The following TMEM114 variants were observed in gnomAD, a reference collection of about 807,000 sequenced individuals.
The protein encoded by TMEM114 is claudin-26.
In TMEM114, 6 loss-of-function variants were observed where a neutral mutation model predicts 6.2. The ratio of observed to expected loss-of-function variants is 0.97; its 90% CI spans 0.53 to 1.91. The LOEUF is 1.91. TMEM114 is among the 40% of genes most tolerant of loss of function. The pLI, the probability that TMEM114 is intolerant of heterozygous loss-of-function variation, is 0.01. For missense variants in TMEM114, 218 were observed against 158.3 expected, an observed-to-expected ratio of 1.38 and a Z score of -2.02; for synonymous variants, 104 against 73.0, an observed-to-expected ratio of 1.42 and a Z score of -2.16.
At chr16:8,585,717 T>C (rs1368874755) in intron 2 of TMEM114, among the ~76,000 whole-genome samples, 1 of 151,966 alleles carries the variant, frequency 6.6e-6, no homozygotes, top group Non-Finnish European at 1.5e-5. Flanking sequence ...GAGGATATAA[T>C]GGGAATAATA....
chr16:8,586,322 C>T (rs567336696), intron 2 of TMEM114, among the ~76,000 whole-genome samples: 1 of 152,006 alleles, frequency 6.6e-6, no homozygotes, highest in African/African-American at 2.4e-5. Context: ...CATTTTTATT[C>T]CCTCTCATGG....
chr16:8,588,458 A>G (rs938231969), intron 2 of TMEM114, among the ~76,000 whole-genome samples: 7 of 152,216 alleles, frequency 4.6e-5, no homozygotes, highest in African/African-American at 1.7e-4. Context: ...AAATGAAGAC[A>G]TAGATGAAAA....
At chr16:8,553,977 C>A (rs1248112183) in intron 2 of TMEM114, among the ~76,000 whole-genome samples, 1 of 151,806 alleles carries the variant, frequency 6.6e-6, no homozygotes, top group Non-Finnish European at 1.5e-5. Context: ...CTCCCAGGTT[C>A]AAGCGATTCT....
downstream of TMEM114, among the ~76,000 whole-genome samples, chr16:8,567,715 T>C (rs1015918339): frequency 6.6e-6 from 1 of 152,142 alleles, no homozygotes; most frequent in African/African-American, 2.4e-5. Flanking sequence ...GGCCCTGCAG[T>C]ATTTAATCCA....
intron 3 of TMEM114, among the ~76,000 whole-genome samples, chr16:8,570,453 TCCTGAGTAGC>T (rs1901697853): frequency 6.6e-6 from 1 of 152,130 alleles, no homozygotes; most frequent in Non-Finnish European, 1.5e-5. Flanking sequence ...TGCCTCAGCC[TCCTGAGTAGC>T]TGGGAATACA....
At chr16:8,557,668 C>T (rs560227090) in intron 2 of TMEM114, among the ~76,000 whole-genome samples, 42 of 152,310 alleles carry the variant, frequency 2.8e-4, no homozygotes, top group Admixed American at 5.9e-4. Flanking sequence ...CCAGAACCAA[C>T]TTACCCAGGG....
chr16:8,584,426 T>G (rs1441452745), intron 2 of TMEM114, among the ~76,000 whole-genome samples: 1 of 152,162 alleles, frequency 6.6e-6, no homozygotes, highest in Non-Finnish European at 1.5e-5. Context: ...TCCCCAGAGC[T>G]AACCTGGAAG....
intron 2 of TMEM114, among the ~76,000 whole-genome samples, chr16:8,552,645 G>C (rs754548621): frequency 3.3e-5 from 5 of 151,596 alleles, no homozygotes; most frequent in Non-Finnish European, 1.5e-5. Flanking sequence ...AAGGGTTCAA[G>C]GTACTCTATG....
intron 3 of TMEM114, among the ~76,000 whole-genome samples, chr16:8,570,382 C>G (rs1462971612): frequency 1.3e-5 from 2 of 151,994 alleles, no homozygotes; most frequent in Non-Finnish European, 2.9e-5. Flanking sequence ...GCGGTGCGAT[C>G]TCAGCTTGCT....
chr16:8,556,747 C>A (rs1009930557), intron 2 of TMEM114, among the ~76,000 whole-genome samples: 3 of 152,190 alleles, frequency 2.0e-5, no homozygotes, highest in Non-Finnish European at 4.4e-5. Flanking sequence ...AGGGGATCCA[C>A]CCGCCTCAGC....
chr16:8,546,105 C>A (rs28672257), intron 2 of TMEM114, among the ~76,000 whole-genome samples: 12,700 of 152,084 alleles, frequency 0.084, 687 homozygotes, highest in South Asian at 0.21. Flanking sequence ...CAGAGCAAGA[C>A]CGTGTCTCAA....
chr16:8,551,460 A>G (rs1900841583), intron 2 of TMEM114, among the ~76,000 whole-genome samples: 1 of 152,218 alleles, frequency 6.6e-6, no homozygotes, highest in Non-Finnish European at 1.5e-5. Context: ...AACAAAGATG[A>G]AAATGTCAAG....
intron 2 of TMEM114, among the ~76,000 whole-genome samples, chr16:8,577,786 C>T (rs1901992574): frequency 6.6e-6 from 1 of 152,002 alleles, no homozygotes; most frequent in Admixed American, 6.6e-5. Flanking sequence ...GGCATTTCAC[C>T]ATATTGGTCA....
intron 3 of TMEM114, among the ~76,000 whole-genome samples, chr16:8,570,476 T>G (rs1901699077): frequency 6.6e-6 from 1 of 152,094 alleles, no homozygotes; most frequent in African/African-American, 2.4e-5. Flanking sequence ...GGAATACAGA[T>G]GCCCGCCACC....
At position 8,589,199 on chromosome 16, in the gene TMEM114, C is replaced by T. The variant is rs1567212949; in HGVS notation, c.301+14G>A. The T allele has an allele frequency of 2.5e-6, 1 of 398,754 alleles. No individual in the cohort carries two copies. Among genetic ancestry groups the T allele is most frequent in the East Asian group, 3.6e-5 (1 of 28,068 alleles). 24.7% of individuals were successfully genotyped at this position (398,754 alleles called of 1,614,324 possible). ...CCGGGGCGCTCCCTCCATCCTCACC[C>T]TCCCCGGACTCACTGAGAAGTTGCC... On this transcript the variant is annotated intron_variant, in intron 2 of 3. Transcript: ENST00000620492.
downstream of TMEM114, among the ~76,000 whole-genome samples, chr16:8,533,447 G>A (rs781051662): frequency 3.9e-5 from 6 of 152,276 alleles, no homozygotes; most frequent in East Asian, 1.9e-4. Flanking sequence ...TGTGAGGGGC[G>A]ATGAATGGGC....
chr16:8,583,525 G>A (rs189777303), intron 2 of TMEM114, among the ~76,000 whole-genome samples: 123 of 152,168 alleles, frequency 8.1e-4, no homozygotes, highest in African/African-American at 2.8e-3. Context: ...CAGGAGGGTC[G>A]CTTGAGCCCA....
At chr16:8,552,190 C>T (rs1900865987) in intron 2 of TMEM114, among the ~76,000 whole-genome samples, 1 of 148,588 alleles carries the variant, frequency 6.7e-6, no homozygotes. Context: ...GCCTGGGCAA[C>T]ACAGCAAGAC....
At chr16:8,563,270 TGAATGAGTGAGG>T (rs1202813020) in intron 2 of TMEM114, among the ~76,000 whole-genome samples, 2 of 150,862 alleles carry the variant, frequency 1.3e-5, no homozygotes, top group Admixed American at 1.3e-4. Context: ...AATGAGTCAG[TGAATGAGTGAGG>T]GAATGAGTGA....
Sources: allele counts gnomAD v4.1 joint callset (sites outside exome capture counted in the v4.1 genomes callset), GRCh38; gene constraint gnomAD v4.1.1; transcripts MANE v1.5; gene names NCBI Gene and HGNC (gene_info 2026-07-23, HGNC 2026-07-21).